NINL: variants seen among roughly 807,000 people sequenced by gnomAD.
The protein encoded by NINL is ninein like.
A neutral mutation model predicts 160.3 loss-of-function variants in NINL; 153 were observed. The observed-to-expected ratio is 0.95, with a 90% CI of 0.84 to 1.09. The LOEUF (loss-of-function observed/expected upper bound fraction) is 1.09, where lower values mean the gene tolerates loss of function less well. Ranked by LOEUF, NINL falls within the 50% of genes least tolerant of loss-of-function variation. The pLI is 0.00. For missense variants in NINL, 1,829 were observed against 1,764.0 expected (o/e 1.04, Z -0.66); for synonymous variants, 800 against 734.8 (o/e 1.09, Z -1.43).
At chr20:25,524,449 C>T (rs886876756) in intron 2 of NINL, among the ~76,000 whole-genome samples, 2 of 152,188 alleles carry the variant, frequency 1.3e-5, no homozygotes. Context: ...TGGCTGGACA[C>T]GCATGGCTAT....
At chr20:25,521,502 C>T (rs545420904) in intron 2 of NINL, among the ~76,000 whole-genome samples, 31 of 152,286 alleles carry the variant, frequency 2.0e-4, no homozygotes, top group African/African-American at 7.5e-4. Flanking sequence ...TTATCATATG[C>T]TGGTCATTGT....
At chr20:25,512,000 A>G (rs1252151953) in intron 4 of NINL, among the ~76,000 whole-genome samples, 1 of 152,194 alleles carries the variant, frequency 6.6e-6, no homozygotes, top group African/African-American at 2.4e-5. Context: ...GACCCAATCC[A>G]TGATTAACTT....
At chr20:25,553,046 C>T (rs879937167) in intron 1 of NINL, among the ~76,000 whole-genome samples, 8 of 151,592 alleles carry the variant, frequency 5.3e-5, no homozygotes, top group Non-Finnish European at 1.2e-4. Flanking sequence ...GCCTTGCTCA[C>T]TGTGGCCCTC....
At chr20:25,529,714 C>A (rs1408964644) in intron 1 of NINL, among the ~76,000 whole-genome samples, 4 of 152,134 alleles carry the variant, frequency 2.6e-5, no homozygotes, top group African/African-American at 9.7e-5. Flanking sequence ...GTGGTGCATG[C>A]CTGTAGTCCC....
chr20:25,524,790 C>T (rs562244300), intron 2 of NINL, among the ~76,000 whole-genome samples: 136 of 152,160 alleles, frequency 8.9e-4, no homozygotes, highest in Middle Eastern at 3.4e-3. Flanking sequence ...GCAGAGCCTG[C>T]AATCTGAACG....
intron 2 of NINL, among the ~76,000 whole-genome samples, chr20:25,525,584 T>G (rs409322): frequency 0.17 from 25,763 of 151,878 alleles, 4,758 homozygotes; most frequent in African/African-American, 0.46. Flanking sequence ...AGTCTGGGAG[T>G]TGAAGGTTGC....
intron 1 of NINL, among the ~76,000 whole-genome samples, chr20:25,568,319 C>G (rs187290512): frequency 1.7e-4 from 25 of 151,206 alleles, no homozygotes; most frequent in African/African-American, 5.6e-4. Context: ...GGATAATAAA[C>G]TCCTATTATT....
intron 1 of NINL, among the ~76,000 whole-genome samples, chr20:25,549,491 T>C (rs1267239559): frequency 6.6e-6 from 1 of 152,232 alleles, no homozygotes; most frequent in Non-Finnish European, 1.5e-5. Context: ...CTCTGGCCGT[T>C]GCTCAGCATG....
intron 1 of NINL, chr20:25,539,941 C>T: frequency 2.2e-6 from 2 of 921,980 alleles, no homozygotes; most frequent in South Asian, 1.4e-5. Flanking sequence ...CCTGCGGGTT[C>T]CCGGGGGCTC....
At chr20:25,560,899 CA>C (rs1185844389) in intron 1 of NINL, among the ~76,000 whole-genome samples, 1 of 151,994 alleles carries the variant, frequency 6.6e-6, no homozygotes, top group Non-Finnish European at 1.5e-5. Flanking sequence ...TGAAAAAAAA[CA>C]AGAAAATTTG....
Position 25,453,507 on chromosome 20 carries a change from C to T in NINL, c.4093G>A (p.Val1365Ile). 6.2e-7 allele frequency: 1 copy of T among 1,614,054 alleles called. No individual in the cohort carries two copies. The change falls in exon 24 of 24, where the codon GTT (valine) becomes ATT (isoleucine). Residue 1365 changes from valine to isoleucine, a missense_variant. Transcript: ENST00000278886. ...CTGACGAGTTTGTTGAGAGCGCGAA[C>T]TTTTTCTTCCAAGAGGCGGCTTTGT... ...EKQSRLLEEK[V>I]RALNKLVSRI...
chr20:25,510,010 A>G (rs1211860657), intron 5 of NINL, among the ~76,000 whole-genome samples: 2 of 152,210 alleles, frequency 1.3e-5, no homozygotes, highest in Non-Finnish European at 2.9e-5. Context: ...TGAAGTCTCA[A>G]TCATGCTCCT....
chr20:25,522,971 T>C (rs2064289701), intron 2 of NINL, among the ~76,000 whole-genome samples: 1 of 152,184 alleles, frequency 6.6e-6, no homozygotes, highest in Admixed American at 6.5e-5. Flanking sequence ...CCCTGGGGGA[T>C]TGGTTCCGGG....
rs748022443 is a variant in NINL, at chr20:25,504,004, A to G, written c.809T>C (p.Leu270Pro). 2 of 1,613,960 alleles carry G rather than the reference A, an allele frequency of 1.2e-6. No individual in the cohort carries two copies. The highest frequency in any genetic ancestry group is 2.7e-5 in the African/African-American group (2 of 74,908). Residue 270 changes from leucine to proline, a missense_variant, in exon 7 of 24, where the codon CTT becomes CCT. By Grantham distance (98) the Leu-to-Pro change is moderately conservative. Transcript: ENST00000278886. ...TTTAACCCGAGTGGAAGACTCTAGA[A>G]GTAGCGCGGGCTCATGACTGAAGAG... is the stretch of plus-strand genomic sequence containing the variant. ...LGLFSHEPAL[L>P]LESSTRVKPS...
chr20:25,523,316 A>G (rs1270515466), intron 2 of NINL, among the ~76,000 whole-genome samples: 1 of 151,858 alleles, frequency 6.6e-6, no homozygotes, highest in Admixed American at 6.6e-5. Context: ...CAGTGACACA[A>G]TCACACCTCA....
intron 21 of NINL, chr20:25,459,057 T>G (rs1054701969): frequency 1.3e-5 from 2 of 153,182 alleles, no homozygotes; most frequent in African/African-American, 4.8e-5. Flanking sequence ...TGCACCACTA[T>G]GCCAGCCACT....
intron 1 of NINL, among the ~76,000 whole-genome samples, chr20:25,578,428 G>A (rs1160264881): frequency 6.6e-6 from 1 of 151,924 alleles, no homozygotes; most frequent in African/African-American, 2.4e-5. Context: ...ATTTCCATGG[G>A]CGCACACACG....
In NINL at chr20:25,496,754, G is replaced by C. The variant is rs200128495; in HGVS notation, c.1219C>G (p.Leu407Val). 18 of 1,613,934 alleles carry C rather than the reference G, an allele frequency of 1.1e-5. No individual in the cohort carries two copies. The highest frequency in any genetic ancestry group is 3.3e-5 in the Admixed American group (2 of 60,004). Residue 407 changes from leucine (L) to valine (V), a missense_variant, in exon 10 of 24, where the codon CTG (leucine) becomes GTG (valine). Coordinates refer to ENST00000278886, the MANE Select transcript of NINL (RefSeq NM_025176.6). ...ARERDKARQD[L>V]ERAEKRNLEF... ...AGGTTCCTCTTCTCGGCCCTCTCCA[G>C]GTCCTGCCTTGCCTTGTCACGCTCC... is the stretch of plus-strand genomic sequence containing the variant.
chr20:25,457,956 C>T (rs2090731969), intron 22 of NINL, among the ~76,000 whole-genome samples: 1 of 152,214 alleles, frequency 6.6e-6, no homozygotes, highest in Non-Finnish European at 1.5e-5. Flanking sequence ...TGGGCGGGAT[C>T]CCACCCTCCA....
Sources: gnomAD v4.1 joint callset for allele counts (sites outside exome capture counted in the v4.1 genomes callset) on GRCh38, gnomAD v4.1.1 for gene constraint, MANE v1.5 for transcripts, NCBI Gene and HGNC (gene_info 2026-07-23, HGNC 2026-07-21) for gene names.